Variants in MED26 observed in about 807,000 individuals in gnomAD.
MED26 encodes mediator of RNA polymerase II transcription subunit 26.
A neutral mutation model predicts 43.7 loss-of-function variants in MED26; 7 were observed. The ratio of observed to expected loss-of-function variants is 0.16; its 90% CI spans 0.09 to 0.30. MED26 has a LOEUF of 0.30. Ranked by LOEUF, MED26 falls within the 10% of genes least tolerant of loss-of-function variation. The pLI is 1.00. For missense variants in MED26, 784 were observed against 840.6 expected (o/e 0.93, Z 0.83); for synonymous variants, 375 against 371.1 (o/e 1.01, Z -0.12).
In MED26 at chr19:16,577,526, C is replaced by G; in HGVS notation, c.304G>C (p.Gly102Arg). The change falls in exon 3 of 3, where the codon GGC (glycine) becomes CGC (arginine). Residue 102 changes from glycine to arginine, a missense_variant. Transcript: ENST00000263390. This position sits in a 1 kb window ranked among gnomAD's most constrained non-coding sequence, Gnocchi z 8.1. ...AALRGLAGAT[G>R]SANGGAHNCR... ...TTGTGTGCGCCCCCGTTGGCAGAGC[C>G]GGTGGCCCCCGCCAGCCCCCGCAGC... is the stretch of plus-strand genomic sequence containing the variant. 1 of 1,603,470 alleles carries G rather than the reference C, an allele frequency of 6.2e-7. No individual in the cohort carries two copies. The highest frequency in any genetic ancestry group is 1.1e-5 in the South Asian group (1 of 90,688).
intron 1 of MED26, chr19:16,597,597 A>G (rs886195363): frequency 2.5e-6 from 1 of 396,694 alleles, no homozygotes; most frequent in Non-Finnish European, 4.4e-6. Context: ...TCCTGAGTTC[A>G]CCCTCTCTCT....
intron 1 of MED26, chr19:16,589,186 G>T (rs2086084742): frequency 6.6e-6 from 1 of 152,216 alleles, no homozygotes; most frequent in Admixed American, 6.5e-5. Context: ...TTCTCATTGG[G>T]CATTCCTGCA....
rs935974597 is a variant in MED26 at position 16,576,504 on chromosome 19, T to C, written c.1326A>G (p.Pro442=). The C allele has an allele frequency of 6.2e-7, 1 of 1,614,090 alleles. No individual in the cohort carries two copies. Among genetic ancestry groups the C allele is most frequent in the African/African-American group, 1.3e-5 (1 of 74,942 alleles). Reference sequence around the variant, plus strand: ...TGTGCACAGGGCTGTCTGCCCGCACTGGCTCTTTCTGGGTCAGAGGTTTGA... The same window carrying C: ...TGTGCACAGGGCTGTCTGCCCGCACCGGCTCTTTCTGGGTCAGAGGTTTGA... ...RQIKPLTQKE[P]VRADSPVHME... The change falls in exon 3 of 3, where the codon CCA becomes CCG. Residue 442 remains proline, a synonymous_variant. Coordinates refer to ENST00000263390, the MANE Select transcript of MED26 (RefSeq NM_004831.5). This position sits in a 1 kb window ranked among gnomAD's most constrained non-coding sequence, Gnocchi z 6.8.
chr19:16,593,464 G>C (rs1475298610), intron 1 of MED26, among the ~76,000 whole-genome samples: 2 of 152,168 alleles, frequency 1.3e-5, no homozygotes, highest in Non-Finnish European at 2.9e-5. Flanking sequence ...TGCTCCTCAG[G>C]TGCAGGGACC....
At chr19:16,603,949 C>A (rs139215011) in intron 1 of MED26, among the ~76,000 whole-genome samples, 59 of 152,314 alleles carry the variant, frequency 3.9e-4, no homozygotes, top group African/African-American at 1.3e-3. Flanking sequence ...CCATTATCTG[C>A]CACTGTGAAA....
rs2086072112 is a variant in MED26, at chr19:16,586,671, G to C, written c.73-8262C>G. ...CCCACTCCCCACCGGGCTGGCCCTG[G>C]GAACAGTGCACATGGAGCACAGACT... On this transcript the variant is annotated intron_variant, in intron 1 of 2. Transcript: ENST00000263390. The surrounding 1 kb of genome is among the most constrained non-coding windows in gnomAD (Gnocchi z 5.1). 6.6e-6 allele frequency among the ~76,000 whole-genome samples: 1 copy of C among 152,196 alleles called. No individual in the cohort carries two copies. Among genetic ancestry groups the C allele is most frequent in the Non-Finnish European group, 1.5e-5 (1 of 68,036 alleles).
intron 1 of MED26, among the ~76,000 whole-genome samples, chr19:16,600,213 C>T (rs530021949): frequency 9.2e-4 from 140 of 151,960 alleles, no homozygotes; most frequent in African/African-American, 3.2e-3. Flanking sequence ...CCTCCTGCTC[C>T]GCACAGCCTT....
chr19:16,596,293 G>A (rs2086119664), intron 1 of MED26, among the ~76,000 whole-genome samples: 1 of 152,234 alleles, frequency 6.6e-6, no homozygotes, highest in Non-Finnish European at 1.5e-5. Flanking sequence ...GCAACCCCAT[G>A]CTGCGTCAGA....
chr19:16,616,508 C>T (rs1341352326), intron 1 of MED26, among the ~76,000 whole-genome samples: 1 of 152,162 alleles, frequency 6.6e-6, no homozygotes, highest in Non-Finnish European at 1.5e-5. Context: ...CACTAGACCC[C>T]CTGGAGGTCC....
chr19:16,583,908 A>T (rs1249055638), intron 1 of MED26, among the ~76,000 whole-genome samples: 1 of 152,168 alleles, frequency 6.6e-6, no homozygotes, highest in Non-Finnish European at 1.5e-5. Flanking sequence ...GAGGAAGAAC[A>T]GTTTGCATCC....
At position 16,575,839 on chromosome 19, in the gene MED26, T is replaced by C; in HGVS notation, c.*188A>G. ...TTTGTTAGTAAACTGGTAGCAGCATTTCACAAAAAGAGTTTTGAGGGAAGA... is the reference window on the plus strand; with the variant it reads ...TTTGTTAGTAAACTGGTAGCAGCATCTCACAAAAAGAGTTTTGAGGGAAGA... On this transcript the variant is annotated 3_prime_UTR_variant, in exon 3 of 3. Transcript: ENST00000263390. 1.7e-6 allele frequency: 1 copy of C among 597,288 alleles called. No individual in the cohort carries two copies. Among genetic ancestry groups the C allele is most frequent in the Non-Finnish European group, 2.9e-6 (1 of 339,024 alleles). 37.0% of individuals were successfully genotyped at this position (597,288 alleles called of 1,614,324 possible).
chr19:16,579,423 C>T (rs1027372699), intron 1 of MED26, among the ~76,000 whole-genome samples: 2 of 152,224 alleles, frequency 1.3e-5, no homozygotes, highest in Non-Finnish European at 2.9e-5. Context: ...CTAGGTACTT[C>T]GGGGGATACA....
intron 1 of MED26, among the ~76,000 whole-genome samples, chr19:16,580,546 T>G (rs1256942178): frequency 2.6e-5 from 4 of 152,096 alleles, no homozygotes; most frequent in African/African-American, 9.7e-5. Flanking sequence ...TTTTTGTATT[T>G]TTTTTTAGTA....
intron 1 of MED26, 197 bp from the exon 2 acceptor site, chr19:16,578,606 C>T (rs1486174565): frequency 3.4e-6 from 2 of 587,990 alleles, no homozygotes; most frequent in Non-Finnish European, 6.0e-6. Flanking sequence ...CACCTGCCGT[C>T]TGACCTCCTC....
intron 1 of MED26, among the ~76,000 whole-genome samples, chr19:16,609,028 C>T (rs962760622): frequency 6.6e-6 from 1 of 152,204 alleles, no homozygotes; most frequent in East Asian, 1.9e-4. Context: ...ACAAAGATAT[C>T]GACCAGGCTG....
chr19:16,578,480 G>T, intron 1 of MED26, 71 bp from the exon 2 acceptor site: 1 of 1,427,652 alleles, frequency 7.0e-7, no homozygotes, highest in Non-Finnish European at 9.8e-7. Context: ...CCCTGCCCCA[G>T]CCTGCTCCAG....
chr19:16,620,383 C>T (rs1046243123), intron 1 of MED26, among the ~76,000 whole-genome samples: 1 of 152,198 alleles, frequency 6.6e-6, no homozygotes, highest in Admixed American at 6.5e-5. Flanking sequence ...TAATCTACAC[C>T]TGCTATGAAG....
intron 1 of MED26, among the ~76,000 whole-genome samples, chr19:16,622,349 T>A (rs537127813): frequency 3.3e-5 from 5 of 152,352 alleles, no homozygotes; most frequent in Admixed American, 3.3e-4. Context: ...GCACAGGGGC[T>A]GAGCATCTTC....
At chr19:16,618,831 C>G (rs2086237710) in intron 1 of MED26, among the ~76,000 whole-genome samples, 2 of 152,210 alleles carry the variant, frequency 1.3e-5, no homozygotes, top group African/African-American at 4.8e-5. Flanking sequence ...CCAATCAAAG[C>G]TCAGAGAAGG....
Sources: gnomAD v4.1 joint callset for allele counts (sites outside exome capture counted in the v4.1 genomes callset) on GRCh38, gnomAD v4.1.1 for gene constraint, Gnocchi (gnomAD v3.1) non-coding constraint, MANE v1.5 for transcripts, NCBI Gene and HGNC (gene_info 2026-07-23, HGNC 2026-07-21) for gene names.